The following PPP2R2B variants were observed in gnomAD, a reference collection of about 807,000 sequenced individuals.
The protein encoded by PPP2R2B is protein phosphatase 2 regulatory subunit Bbeta.
PPP2R2B carries 5 observed loss-of-function variants against 46.0 expected under a neutral mutation model. The ratio of observed to expected loss-of-function variants is 0.11; its 90% confidence interval spans 0.06 to 0.23. PPP2R2B has a LOEUF of 0.23. Among genes scored for constraint, PPP2R2B ranks in the 10% least tolerant of loss-of-function variants. The pLI, the probability that PPP2R2B is intolerant of heterozygous loss-of-function variation, is 1.00. For synonymous variants in PPP2R2B, 215 were observed against 206.7 expected, an observed-to-expected ratio of 1.04 and a Z score of -0.34; for missense variants, 367 against 575.0, an observed-to-expected ratio of 0.64 and a Z score of 3.70.
At chr5:146,811,445 T>C (rs77880940) in intron 2 of PPP2R2B, among the ~76,000 whole-genome samples, 3,993 of 152,312 alleles carry the variant, frequency 0.026, 51 homozygotes, top group Middle Eastern at 0.044. Context: ...TGGTTTCTAT[T>C]CTCCTGCCAT....
At chr5:146,915,141 C>A (rs1763335566) in intron 1 of PPP2R2B, among the ~76,000 whole-genome samples, 1 of 152,146 alleles carries the variant, frequency 6.6e-6, no homozygotes, top group African/African-American at 2.4e-5. Context: ...CATCATCTTT[C>A]ATCTGGGCTT....
chr5:146,808,992 T>TGC (rs1334800207), intron 2 of PPP2R2B, among the ~76,000 whole-genome samples: 19 of 136,272 alleles, frequency 1.4e-4, no homozygotes, highest in South Asian at 7.1e-4. Flanking sequence ...TGTGTGTGTG[T>TGC]GTGCGCGCGC....
At chr5:147,029,544 T>C (rs1226122566) in intron 1 of PPP2R2B, among the ~76,000 whole-genome samples, 2 of 152,278 alleles carry the variant, frequency 1.3e-5, no homozygotes, top group East Asian at 1.9e-4. Flanking sequence ...TTATAAGATA[T>C]CTTAATAGAT....
intron 1 of PPP2R2B, among the ~76,000 whole-genome samples, chr5:146,940,684 A>T (rs1218724164): frequency 6.6e-6 from 1 of 152,130 alleles, no homozygotes; most frequent in Non-Finnish European, 1.5e-5. Flanking sequence ...GGTTTCCGTC[A>T]TTTGAAACTG....
chr5:146,921,605 T>C (rs1228951106), intron 1 of PPP2R2B, among the ~76,000 whole-genome samples: 1 of 152,236 alleles, frequency 6.6e-6, no homozygotes, highest in Non-Finnish European at 1.5e-5. Flanking sequence ...ATAATCCTGC[T>C]AGCTTCTGCA....
rs369224281 is a variant in PPP2R2B at position 146,991,865 on chromosome 5, CT to C, written c.79+63799del. Among the ~76,000 whole-genome samples, 27 of 152,038 alleles carry C rather than the reference CT, an allele frequency of 1.8e-4. No individual in the cohort carries two copies. The East Asian group carries it at 4.6e-3, about 26-fold the overall frequency. On this transcript the variant is annotated intron_variant, in intron 1 of 8. Transcript: ENST00000336640. ...AACTACAAAATATTGATAAAATAAACTGTAGAAGACATAAATAAATGAAAAT... is the reference window on the plus strand; with the variant it reads ...AACTACAAAATATTGATAAAATAAACGTAGAAGACATAAATAAATGAAAAT...
At chr5:146,696,531 C>G (rs916468105) in intron 4 of PPP2R2B, among the ~76,000 whole-genome samples, 1 of 152,188 alleles carries the variant, frequency 6.6e-6, no homozygotes, top group Non-Finnish European at 1.5e-5. Flanking sequence ...TCAGAAGTCT[C>G]TTTTATTCCA....
intron 1 of PPP2R2B, among the ~76,000 whole-genome samples, chr5:146,941,514 G>T (rs891027897): frequency 1.3e-5 from 2 of 152,142 alleles, no homozygotes. Flanking sequence ...CTGTTGCTTA[G>T]GGGTGTGTTC....
At position 147,061,137 on chromosome 5, in the gene PPP2R2B, G is replaced by C. The variant is rs529369020; in HGVS notation, c.50+19922C>G. On this transcript the variant is annotated intron_variant, in intron 2 of 10. Transcript: ENST00000394413. ...TATTAAATGCCAGGCACTCTTCTAGGTGTTGAGGATACAGCAGTAAATAAT... is the reference window on the plus strand; with the variant it reads ...TATTAAATGCCAGGCACTCTTCTAGCTGTTGAGGATACAGCAGTAAATAAT... 1.3e-3 allele frequency among the ~76,000 whole-genome samples: 201 copies of C among 152,206 alleles called. 1 individual carries two copies. The highest frequency in any genetic ancestry group is 4.5e-3 in the African/African-American group (185 of 41,534).
intron 1 of PPP2R2B, among the ~76,000 whole-genome samples, chr5:147,053,178 C>G (rs923468806): frequency 6.0e-5 from 9 of 150,036 alleles, no homozygotes; most frequent in African/African-American, 2.0e-4. Context: ...TGACATGTAA[C>G]AGAGCTAAGA....
At chr5:147,077,320 A>G (rs1307252031) in intron 2 of PPP2R2B, among the ~76,000 whole-genome samples, 1 of 146,702 alleles carries the variant, frequency 6.8e-6, no homozygotes, top group Non-Finnish European at 1.5e-5. Context: ...ACCCACACCC[A>G]CACCCCTAGC....
chr5:146,787,735 G>A (rs1184845049), intron 2 of PPP2R2B, among the ~76,000 whole-genome samples: 1 of 151,994 alleles, frequency 6.6e-6, no homozygotes, highest in Non-Finnish European at 1.5e-5. Flanking sequence ...GCCTGGCTAA[G>A]TTTTGTATTT....
chr5:147,017,869 A>T (rs141111824), intron 1 of PPP2R2B, among the ~76,000 whole-genome samples: 1 of 152,276 alleles, frequency 6.6e-6, no homozygotes, highest in East Asian at 1.9e-4. Flanking sequence ...TTGCTTGTCT[A>T]TCCTAACAAA....
At chr5:146,832,800 G>A (rs900272858) in intron 2 of PPP2R2B, among the ~76,000 whole-genome samples, 2 of 152,022 alleles carry the variant, frequency 1.3e-5, no homozygotes, top group African/African-American at 2.4e-5. Context: ...GTAACATGCT[G>A]TACAGGTTTA....
At chr5:146,972,520 T>G (rs1752704827) in intron 1 of PPP2R2B, among the ~76,000 whole-genome samples, 1 of 152,088 alleles carries the variant, frequency 6.6e-6, no homozygotes, top group South Asian at 2.1e-4. Flanking sequence ...GAGACCAGCC[T>G]GACCAACATG....
intron 2 of PPP2R2B, among the ~76,000 whole-genome samples, chr5:146,745,364 A>AT (rs1271345286): frequency 6.6e-6 from 1 of 152,050 alleles, no homozygotes; most frequent in Admixed American, 6.6e-5. Flanking sequence ...AGATTTTGAG[A>AT]TTTTTGGCCA....
At chr5:146,677,577 C>A (rs1777824428) in intron 5 of PPP2R2B, among the ~76,000 whole-genome samples, 1 of 133,776 alleles carries the variant, frequency 7.5e-6, no homozygotes, top group Non-Finnish European at 1.6e-5. Context: ...CTCACTCTGT[C>A]ACTCAGGCTG....
rs1323721881 is a variant in PPP2R2B at position 147,005,307 on chromosome 5, ACAT to A, written c.79+50355_79+50357del. Among the ~76,000 whole-genome samples, 186 of 152,316 alleles carry A rather than the reference ACAT, an allele frequency of 1.2e-3. 3 individuals are homozygous for A. In the East Asian group the frequency reaches 0.028, roughly 23 times the overall value. On this transcript the variant is annotated intron_variant, in intron 1 of 8. Transcript: ENST00000336640. ...GGTTATGCCATAGTTAGTGATGTAA[ACAT>A]ACTTGAAAGTAAACCTCTTCCCCCA... is the stretch of plus-strand genomic sequence containing the variant.
intron 2 of PPP2R2B, among the ~76,000 whole-genome samples, chr5:147,073,688 G>A (rs2151911942): frequency 6.6e-6 from 1 of 152,240 alleles, no homozygotes; most frequent in Non-Finnish European, 1.5e-5. Context: ...ATTGCCCTCT[G>A]ATGTAAGGAA....
Sources: allele counts gnomAD v4.1 joint callset (sites outside exome capture counted in the v4.1 genomes callset), GRCh38; gene constraint gnomAD v4.1.1; transcripts MANE v1.5; gene names NCBI Gene and HGNC (gene_info 2026-07-23, HGNC 2026-07-21).